Variants in IPO9 observed in about 807,000 individuals in gnomAD.
The protein encoded by IPO9 is importin 9.
A neutral mutation model predicts 128.6 loss-of-function variants in IPO9; 28 were observed. The ratio of observed to expected loss-of-function variants is 0.22; its 90% CI spans 0.16 to 0.30. The LOEUF (loss-of-function observed/expected upper bound fraction) is 0.30, where lower values mean the gene tolerates loss of function less well. IPO9 is among the 10% of genes least tolerant of loss of function. The pLI is 1.00. For missense variants in IPO9, 935 were observed against 1,293.9 expected, an observed-to-expected ratio of 0.72 and a Z score of 4.26; for synonymous variants, 455 against 475.8, an observed-to-expected ratio of 0.96 and a Z score of 0.57.
chr1:201,845,029 G>T (rs544959332), intron 1 of IPO9, among the ~76,000 whole-genome samples: 115 of 151,446 alleles, frequency 7.6e-4, no homozygotes, highest in African/African-American at 2.5e-3. Flanking sequence ...TTTGGGAGGG[G>T]GGGGCGTACA....
At chr1:201,874,005 T>G (rs1212068791) in intron 20 of IPO9, among the ~76,000 whole-genome samples, 2 of 152,340 alleles carry the variant, frequency 1.3e-5, no homozygotes, top group East Asian at 1.9e-4. Context: ...CAGAGCTTTA[T>G]TACTAACAAG....
At chr1:201,860,182 G>C (rs942298306) in intron 13 of IPO9, among the ~76,000 whole-genome samples, 1 of 151,914 alleles carries the variant, frequency 6.6e-6, no homozygotes, top group African/African-American at 2.4e-5. Flanking sequence ...CTCCATTTTC[G>C]GTCCATTTAC....
chr1:201,868,543 C>G, intron 15 of IPO9, 105 bp from the exon 16 acceptor site: 1 of 1,239,694 alleles, frequency 8.1e-7, no homozygotes, highest in East Asian at 2.5e-5. Flanking sequence ...GTAATCAATG[C>G]AGAAGTTGTT....
intron 13 of IPO9, 68 bp downstream of exon 13, chr1:201,859,062 A>G (rs1571549533): frequency 3.3e-6 from 5 of 1,508,568 alleles, no homozygotes; most frequent in Non-Finnish European, 2.7e-6. Context: ...GGGAGGGATC[A>G]GCATTAGGAG....
intron 1 of IPO9, chr1:201,835,168 A>C (rs1440052429): frequency 5.3e-5 from 8 of 152,378 alleles, no homozygotes; most frequent in African/African-American, 1.2e-4. Flanking sequence ...TCAAAACCGC[A>C]TCCTTCTCCA....
At chr1:201,852,378 A>G (rs1356077202) in intron 5 of IPO9, among the ~76,000 whole-genome samples, 186 bp downstream of exon 5, 2 of 152,226 alleles carry the variant, frequency 1.3e-5, no homozygotes, top group Non-Finnish European at 2.9e-5. Flanking sequence ...GCCTTTGATA[A>G]AAGTGTGAAA....
Position 201,870,549 on chromosome 1 carries a change from T to A in IPO9, c.2134-34T>A. ...GGGCCTTCTGGCATCTGTCCCTCGA[T>A]TACTAATCTTGCTTGCCACCCCTGT... On this transcript the variant is annotated intron_variant, in intron 17 of 23. Coordinates refer to ENST00000361565, the MANE Select transcript of IPO9 (RefSeq NM_018085.5). This position sits in a 1 kb window ranked among gnomAD's most constrained non-coding sequence, Gnocchi z 4.9. 6.3e-7 allele frequency: 1 copy of A among 1,599,622 alleles called. No homozygotes were observed. The highest frequency in any genetic ancestry group is 8.5e-7 in the Non-Finnish European group (1 of 1,170,684).
At chr1:201,872,348 A>G (rs2820311) in intron 19 of IPO9, among the ~76,000 whole-genome samples, 41,597 of 152,040 alleles carry the variant, frequency 0.27, 5,961 homozygotes, top group Non-Finnish European at 0.33. Flanking sequence ...TTCAAGAAGA[A>G]CAGGTCACCT....
rs1430719150 is a variant in IPO9, at chr1:201,829,241, C to T, written c.32C>T (p.Ser11Phe). 1.9e-6 allele frequency: 3 copies of T among 1,573,482 alleles called. 1 individual carries two copies. The highest frequency in any genetic ancestry group is 2.3e-5 in the South Asian group (2 of 86,070). MAAAAAAGAA[S>F]GLPGPVAQGL... ...GCGGCGGCGGCAGCTGGTGCGGCCTCCGGGCTGCCGGGTCCAGTGGCACAA... is the reference window on the plus strand; with the variant it reads ...GCGGCGGCGGCAGCTGGTGCGGCCTTCGGGCTGCCGGGTCCAGTGGCACAA... The change falls in exon 1 of 24, where the codon TCC (serine) becomes TTC (phenylalanine). Residue 11 changes from serine (S) to phenylalanine (F), a missense_variant. Physicochemically the swap from Ser to Phe is radical, Grantham distance 155 (BLOSUM62 -2). This residue lies in a region of IPO9 where 741 missense variants were observed against 1,019.1 expected (regional missense o/e 0.73). Transcript: ENST00000361565.
chr1:201,856,892 G>C (rs1325714162), intron 10 of IPO9, among the ~76,000 whole-genome samples: 1 of 152,078 alleles, frequency 6.6e-6, no homozygotes, highest in Non-Finnish European at 1.5e-5. Flanking sequence ...TCACTATGTT[G>C]CCCAGGCTGG....
intron 3 of IPO9, 100 bp downstream of exon 3, chr1:201,847,738 CT>C: frequency 1.2e-6 from 1 of 850,708 alleles, no homozygotes; most frequent in African/African-American, 1.7e-5. Context: ...AATCAAAAGA[CT>C]AGGCAGAAAA....
intron 1 of IPO9, among the ~76,000 whole-genome samples, chr1:201,837,911 A>C (rs1340967888): frequency 6.6e-6 from 1 of 152,094 alleles, no homozygotes; most frequent in African/African-American, 2.4e-5. Flanking sequence ...TTTCTACTCA[A>C]ACTACAAAAT....
intron 6 of IPO9, among the ~76,000 whole-genome samples, chr1:201,853,437 T>C (rs1680263022): frequency 6.7e-6 from 1 of 149,594 alleles, no homozygotes; most frequent in South Asian, 2.1e-4. Context: ...CTCACTGTAT[T>C]GCCCAGGCTG....
rs1553293537 is a variant in IPO9, at chr1:201,883,177, C to CCA, written c.*7124_*7125insAC. 2.0e-5 allele frequency: 3 copies of CCA among 148,106 alleles called. No individual in the cohort carries two copies. The highest frequency in any genetic ancestry group is 6.7e-5 in the Admixed American group (1 of 14,854). 9.2% of individuals were successfully genotyped at this position (148,106 alleles called of 1,614,324 possible). A position where few individuals can be genotyped will look rare whatever the true frequency, so the allele number is the denominator to read the frequency against. On this transcript the variant is annotated 3_prime_UTR_variant, in exon 24 of 24. Coordinates refer to ENST00000361565, the MANE Select transcript of IPO9 (RefSeq NM_018085.5). ...TAATTTGCTTTCACTAGATTCCCCC[C>CCA]CCCCCAACAACTTAGTCCAAGAACA...
intron 15 of IPO9, among the ~76,000 whole-genome samples, chr1:201,867,693 T>G (rs1174715515): frequency 6.6e-6 from 1 of 152,130 alleles, no homozygotes; most frequent in Non-Finnish European, 1.5e-5. Context: ...TTTTAAGTTT[T>G]TTTTTTCCTG....
At chr1:201,831,404 T>C (rs1024612879) in intron 1 of IPO9, among the ~76,000 whole-genome samples, 1 of 152,110 alleles carries the variant, frequency 6.6e-6, no homozygotes, top group Admixed American at 6.6e-5. Flanking sequence ...GTTGGATCAG[T>C]CTCTGGAGTT....
intron 9 of IPO9, among the ~76,000 whole-genome samples, 165 bp downstream of exon 9, chr1:201,855,347 A>T (rs1680311928): frequency 6.6e-6 from 1 of 152,200 alleles, no homozygotes. Context: ...AGAATTGACA[A>T]TCTTTAATCT....
intron 14 of IPO9, 64 bp from the exon 15 acceptor site, chr1:201,866,669 A>T: frequency 8.0e-7 from 1 of 1,248,344 alleles, no homozygotes; most frequent in Non-Finnish European, 1.2e-6. Flanking sequence ...AATATGTGAG[A>T]TTGATTGGGA....
rs867796578 is a variant in IPO9, at chr1:201,868,652, C to T, written c.1860C>T (p.Pro620=). 14 of 1,612,896 alleles carry T rather than the reference C, an allele frequency of 8.7e-6. No individual in the cohort carries two copies. The Middle Eastern group carries it at 1.2e-3, about 134-fold the overall frequency. The change falls in exon 16 of 24, where the codon CCC becomes CCT. Residue 620 remains proline, a synonymous_variant. Transcript: ENST00000361565. ...GTGTTGCCTTATCCACTTCAGATCC[C>T]GTCGTCGCCTCACTGGCTCAGGACA... The part of the protein sequence containing the change: ...IAIFLKYSND[P]VVASLAQDIF...
Sources: gnomAD v4.1 joint callset for allele counts (sites outside exome capture counted in the v4.1 genomes callset) on GRCh38, gnomAD v4.1.1 for gene constraint, gnomAD v4.1.1 regional missense constraint, Gnocchi (gnomAD v3.1) non-coding constraint, MANE v1.5 for transcripts, NCBI Gene and HGNC (gene_info 2026-07-23, HGNC 2026-07-21) for gene names.